The following CPED1 variants were observed in gnomAD, a reference collection of about 807,000 sequenced individuals.
CPED1 encodes cadherin like and PC-esterase domain containing 1.
A neutral mutation model predicts 128.2 loss-of-function variants in CPED1; 114 were observed. The ratio of observed to expected loss-of-function variants is 0.89; its 90% confidence interval spans 0.76 to 1.04. The LOEUF (loss-of-function observed/expected upper bound fraction) is 1.04. Among genes scored for constraint, CPED1 ranks in the 50% least tolerant of loss-of-function variants. CPED1 has a pLI of 0.00. For synonymous variants in CPED1, 462 were observed against 426.7 expected, an observed-to-expected ratio of 1.08 and a Z score of -1.02; for missense variants, 1,211 against 1,207.1, an observed-to-expected ratio of 1.00 and a Z score of -0.05.
intron 16 of CPED1, among the ~76,000 whole-genome samples, chr7:121,222,413 T>G (rs1277353634): frequency 2.0e-5 from 3 of 152,144 alleles, no homozygotes; most frequent in Non-Finnish European, 4.4e-5. Flanking sequence ...TTGTTCTTTT[T>G]GCTTAGGATT....
chr7:121,235,085 T>C (rs776235803), intron 16 of CPED1, among the ~76,000 whole-genome samples: 2 of 152,076 alleles, frequency 1.3e-5, no homozygotes. Flanking sequence ...TTGCTCCCTC[T>C]AACATTTCAT....
intron 16 of CPED1, among the ~76,000 whole-genome samples, chr7:121,178,890 A>G (rs1258404272): frequency 6.6e-6 from 1 of 152,078 alleles, no homozygotes; most frequent in Non-Finnish European, 1.5e-5. Context: ...GCAGGTGTCA[A>G]TGGTATAAAT....
intron 16 of CPED1, among the ~76,000 whole-genome samples, chr7:121,207,905 T>C (rs1369493674): frequency 6.6e-6 from 1 of 151,988 alleles, no homozygotes; most frequent in African/African-American, 2.4e-5. Flanking sequence ...TTATTCCCCC[T>C]CTACTTCAGT....
chr7:121,000,799 G>A (rs1313030622), intron 2 of CPED1, among the ~76,000 whole-genome samples: 2 of 152,074 alleles, frequency 1.3e-5, no homozygotes, highest in African/African-American at 4.8e-5. Context: ...GAAATACGTT[G>A]GTCCAAATTC....
At chr7:121,274,346 T>C (rs1792291739) in intron 22 of CPED1, among the ~76,000 whole-genome samples, 1 of 152,174 alleles carries the variant, frequency 6.6e-6, no homozygotes, top group South Asian at 2.1e-4. Flanking sequence ...GTAACAATGC[T>C]TCAAGCATGT....
intron 5 of CPED1, among the ~76,000 whole-genome samples, chr7:121,073,457 TCTGA>T (rs1794043492): frequency 1.3e-5 from 2 of 152,178 alleles, no homozygotes. Flanking sequence ...ATAATTTCTG[TCTGA>T]CTTTTTTGCT....
At chr7:121,034,413 AT>A (rs1271087381) in intron 3 of CPED1, among the ~76,000 whole-genome samples, 1 of 151,632 alleles carries the variant, frequency 6.6e-6, no homozygotes, top group Non-Finnish European at 1.5e-5. Context: ...ATGCCCAGCT[AT>A]TTTTTATATT....
At chr7:121,120,473 A>C (rs1795356671) in intron 7 of CPED1, among the ~76,000 whole-genome samples, 1 of 152,206 alleles carries the variant, frequency 6.6e-6, no homozygotes, top group Admixed American at 6.6e-5. Flanking sequence ...GATATGACTT[A>C]AGTACCAATA....
Position 121,295,696 on chromosome 7 carries a change from T to TCACCC in CPED1, c.*45_*49dup, listed in dbSNP as rs759586639. ...GAATCTGGAGCTGGAGACGAGCTAG[T>TCACCC]CACCCGGACAATGGTCTAGGAGCCA... On this transcript the variant is annotated 3_prime_UTR_variant, in exon 23 of 23. Coordinates refer to ENST00000310396, the MANE Select transcript of CPED1 (RefSeq NM_024913.5). The TCACCC allele has an allele frequency of 1.3e-6, 2 of 1,556,564 alleles. No homozygotes were observed. The highest frequency in any genetic ancestry group is 1.8e-6 in the Non-Finnish European group (2 of 1,129,544).
intron 7 of CPED1, among the ~76,000 whole-genome samples, chr7:121,108,733 A>T (rs1325506878): frequency 6.6e-6 from 1 of 152,090 alleles, no homozygotes; most frequent in African/African-American, 2.4e-5. Context: ...GACTTAGAAG[A>T]AATGACTTAT....
At chr7:121,005,372 C>A (rs1791980536) in intron 2 of CPED1, among the ~76,000 whole-genome samples, 2 of 152,062 alleles carry the variant, frequency 1.3e-5, no homozygotes, top group South Asian at 4.1e-4. Flanking sequence ...CTATTGTGAA[C>A]AGTGCTGCAA....
intron 6 of CPED1, among the ~76,000 whole-genome samples, chr7:121,098,390 A>C (rs1427603927): frequency 6.6e-6 from 1 of 152,152 alleles, no homozygotes; most frequent in African/African-American, 2.4e-5. Context: ...AACAGTTAAT[A>C]GTATTTATTG....
At position 121,222,382 on chromosome 7, in the gene CPED1, G is replaced by A. The variant is rs377604486; in HGVS notation, c.2056-14332G>A. On this transcript the variant is annotated intron_variant, in intron 16 of 22. Coordinates refer to ENST00000310396, the MANE Select transcript of CPED1 (RefSeq NM_024913.5). ...AGCCTTGTAGTATAGTTTACAGTCA[G>A]GTAGCGTGATGCCTCCAGCTTTGTT... is the stretch of plus-strand genomic sequence containing the variant. Among the ~76,000 whole-genome samples, 33 of 152,254 alleles carry A rather than the reference G, an allele frequency of 2.2e-4. No individual in the cohort carries two copies. In the South Asian group the frequency reaches 6.8e-3, roughly 32 times the overall value.
chr7:121,011,308 A>C (rs1176365224), intron 2 of CPED1, among the ~76,000 whole-genome samples: 1 of 152,186 alleles, frequency 6.6e-6, no homozygotes, highest in Non-Finnish European at 1.5e-5. Flanking sequence ...TAAATGTGTA[A>C]GTAACTGAGA....
intron 16 of CPED1, among the ~76,000 whole-genome samples, chr7:121,177,118 G>A (rs1796801095): frequency 6.6e-6 from 1 of 152,028 alleles, no homozygotes; most frequent in African/African-American, 2.4e-5. Flanking sequence ...ATTCCCAGAA[G>A]GTACCACTGA....
chr7:121,129,313 GTATATATA>G (rs71530055), intron 11 of CPED1, among the ~76,000 whole-genome samples: 6 of 26,834 alleles, frequency 2.2e-4, no homozygotes, highest in African/African-American at 2.8e-4. Flanking sequence ...ATATATATAC[GTATATATA>G]TATATATATA....
intron 16 of CPED1, among the ~76,000 whole-genome samples, chr7:121,155,787 TG>T (rs1796269497): frequency 6.6e-6 from 1 of 152,148 alleles, no homozygotes. Context: ...TCCAGAAAAT[TG>T]GTCTGAGCAA....
At chr7:121,252,721 C>G (rs988774791) in intron 18 of CPED1, among the ~76,000 whole-genome samples, 1 of 152,140 alleles carries the variant, frequency 6.6e-6, no homozygotes, top group African/African-American at 2.4e-5. Flanking sequence ...AAATGCTCAT[C>G]ATCACTGGCC....
At chr7:121,283,216 G>C (rs1792496839) in intron 22 of CPED1, among the ~76,000 whole-genome samples, 1 of 152,102 alleles carries the variant, frequency 6.6e-6, no homozygotes, top group Admixed American at 6.6e-5. Context: ...TGTAAGATTG[G>C]GGTTTATATA....
Sources: allele counts gnomAD v4.1 joint callset (sites outside exome capture counted in the v4.1 genomes callset), GRCh38; gene constraint gnomAD v4.1.1; transcripts MANE v1.5; gene names NCBI Gene and HGNC (gene_info 2026-07-23, HGNC 2026-07-21).